Variants in IL15RA observed in about 807,000 individuals in gnomAD.
IL15RA encodes the protein interleukin-15 receptor subunit alpha.
IL15RA carries 26 observed loss-of-function variants against 24.2 expected under a neutral mutation model. That is an observed-to-expected ratio of 1.07 (90% CI 0.79 to 1.49). The LOEUF (loss-of-function observed/expected upper bound fraction) is 1.49. IL15RA is among the 40% of genes most tolerant of loss of function. The pLI, the probability that IL15RA is intolerant of heterozygous loss-of-function variation, is 0.00. For synonymous variants in IL15RA, 166 were observed against 157.6 expected (o/e 1.05, Z -0.40); for missense variants, 354 against 356.4 (o/e 0.99, Z 0.05).
chr10:5,952,427 TC>T lies in IL15RA; in HGVS notation c.*667del, dbSNP rs1441046001. ...TATTTTGTTTATACAAGGTACAATG[TC>T]AAAATACAAATAATATATAATGTAT... On this transcript the variant is annotated 3_prime_UTR_variant, in exon 7 of 7. Coordinates refer to ENST00000379977, the MANE Select transcript of IL15RA (RefSeq NM_002189.4). The T allele has an allele frequency of 2.6e-5, 4 of 152,720 alleles. No homozygotes were observed. The highest frequency in any genetic ancestry group is 7.2e-5 in the African/African-American group (3 of 41,450). 9.5% of individuals were successfully genotyped at this position (152,720 alleles called of 1,614,324 possible).
rs747770329 is a variant in IL15RA at position 5,960,529 on chromosome 10, C to T, written c.421G>A (p.Ala141Thr). The change falls in exon 4 of 7, where the codon GCC (alanine) becomes ACC (threonine). Residue 141 changes from alanine (A) to threonine (T), a missense_variant. Coordinates refer to ENST00000379977, the MANE Select transcript of IL15RA (RefSeq NM_002189.4). This position sits in a 1 kb window ranked among gnomAD's most constrained non-coding sequence, Gnocchi z 5.1. ...CCCGGGACAATAGCTGCTGTTGTGG[C>T]CGCTGTGTTGTTTGAGCTGGGAGAT... Reference protein sequence around the residue: ...ASSPSSNNTAATTAAIVPGSQ... With the variant: ...ASSPSSNNTATTTAAIVPGSQ... The T allele has an allele frequency of 9.9e-6, 16 of 1,614,116 alleles. No homozygotes were observed. In the Middle Eastern group the frequency reaches 6.6e-4, roughly 67 times the overall value.
At chr10:5,969,877 G>A (rs1038883333) in intron 1 of IL15RA, among the ~76,000 whole-genome samples, 3 of 152,172 alleles carry the variant, frequency 2.0e-5, no homozygotes, top group African/African-American at 7.2e-5. Context: ...CAGCGTGCCA[G>A]CCTTGTACAT....
rs767682368 is a variant in IL15RA at position 5,960,546 on chromosome 10, C to G, written c.404G>C (p.Ser135Thr). The G allele has an allele frequency of 7.4e-6, 12 of 1,613,922 alleles. No individual in the cohort carries two copies. The highest frequency in any genetic ancestry group is 1.7e-4 in the Middle Eastern group (1 of 6,050). ...TGTTGTGGCCGCTGTGTTGTTTGAG[C>G]TGGGAGATGAAGCTGCGGGCTCTGT... ...SGKEPAASSP[S>T]SNNTAATTAA... The change falls in exon 4 of 7, where the codon AGC becomes ACC. Residue 135 changes from serine to threonine, a missense_variant. By Grantham distance (58) the Ser-to-Thr change is moderately conservative. Coordinates refer to ENST00000379977, the MANE Select transcript of IL15RA (RefSeq NM_002189.4). This position sits in a 1 kb window ranked among gnomAD's most constrained non-coding sequence, Gnocchi z 5.1.
chr10:5,978,655 G>A (rs1323963138), upstream of IL15RA, among the ~76,000 whole-genome samples: 1 of 152,126 alleles, frequency 6.6e-6, no homozygotes, highest in African/African-American at 2.4e-5. This position sits in a 1 kb window ranked among gnomAD's most constrained non-coding sequence, Gnocchi z 5.2. Context: ...AAGCACTTTC[G>A]GAGGCCAAGG....
chr10:5,962,271 A>C lies in IL15RA; in HGVS notation c.382+1472T>G, dbSNP rs970051929. ...TTTAGCTGCTTCTTCCTCCCTTAAGATGCAGGCCTCAGCCTTGGCCACTTA... is the reference window on the plus strand; with the variant it reads ...TTTAGCTGCTTCTTCCTCCCTTAAGCTGCAGGCCTCAGCCTTGGCCACTTA... On this transcript the variant is annotated intron_variant, in intron 3 of 6. Coordinates refer to ENST00000379977, the MANE Select transcript of IL15RA (RefSeq NM_002189.4). The surrounding 1 kb of genome is among the most constrained non-coding windows in gnomAD (Gnocchi z 5.2). Among the ~76,000 whole-genome samples the C allele has an allele frequency of 6.6e-6, 1 of 152,106 alleles. No individual in the cohort carries two copies. Among genetic ancestry groups the C allele is most frequent in the African/African-American group, 2.4e-5 (1 of 41,406 alleles).
chr10:5,951,014 A>T (rs901589037), downstream of IL15RA, among the ~76,000 whole-genome samples: 3 of 151,726 alleles, frequency 2.0e-5, no homozygotes, highest in African/African-American at 7.3e-5. Context: ...GGTGGTGGGC[A>T]CCTGTAGTCC....
downstream of IL15RA, chr10:5,949,029 TTTC>T (rs1489632585): frequency 3.0e-6 from 1 of 337,674 alleles, no homozygotes; most frequent in Admixed American, 3.8e-5. The surrounding 1 kb of genome is among the most constrained non-coding windows in gnomAD (Gnocchi z 4.4). Context: ...TGAGATGAGT[TTTC>T]TTCTTCCTGA....
Position 5,970,568 on chromosome 10 carries a change from T to C in IL15RA, c.89-4229A>G, listed in dbSNP as rs1433499828. ...CCAAGATAAATCTGTGAATAGTTAA[T>C]GTTTGAATGTACAAGGATATCAATG... On this transcript the variant is annotated intron_variant, in intron 1 of 6. Coordinates refer to ENST00000379977, the MANE Select transcript of IL15RA (RefSeq NM_002189.4). The surrounding 1 kb of genome is among the most constrained non-coding windows in gnomAD (Gnocchi z 4.1). 6.6e-6 allele frequency among the ~76,000 whole-genome samples: 1 copy of C among 152,140 alleles called. No homozygotes were observed. Among genetic ancestry groups the C allele is most frequent in the African/African-American group, 2.4e-5 (1 of 41,418 alleles).
In IL15RA at chr10:5,952,661, G is replaced by A. The variant is rs1031722971; in HGVS notation, c.*434C>T. On this transcript the variant is annotated 3_prime_UTR_variant, in exon 7 of 7. Coordinates refer to ENST00000379977, the MANE Select transcript of IL15RA (RefSeq NM_002189.4). ...AAACGCTGGTGTCTTCCCTGTAGAC[G>A]TCTCCCACGCCAGGAGAAGCCTTGT... 8 of 191,578 alleles carry A rather than the reference G, an allele frequency of 4.2e-5. No homozygotes were observed. The Admixed American group carries it at 4.3e-4, about 10-fold the overall frequency. 11.9% of individuals were successfully genotyped at this position (191,578 alleles called of 1,614,324 possible).
chr10:5,969,353 TTTAAATTAAATTAAA>T (rs35071460), intron 1 of IL15RA, among the ~76,000 whole-genome samples: 5,593 of 147,642 alleles, frequency 0.038, 116 homozygotes, highest in Middle Eastern at 0.058. Context: ...AATTAAATTT[TTTAAATTAAATTAAA>T]TTAAATTAAA....
At position 5,952,927 on chromosome 10, in the gene IL15RA, C is replaced by T. The variant is rs951201515; in HGVS notation, c.*168G>A. ...TGGGAATGCGGAGAACCTGCTCCCT[C>T]GCGCAGGAGGCGCCGACCCGGCAGT... On this transcript the variant is annotated 3_prime_UTR_variant, in exon 7 of 7. Coordinates refer to ENST00000379977, the MANE Select transcript of IL15RA (RefSeq NM_002189.4). 1.6e-6 allele frequency: 1 copy of T among 626,044 alleles called. No homozygotes were observed. The highest frequency in any genetic ancestry group is 2.0e-5 in the South Asian group (1 of 50,636). 38.8% of individuals were successfully genotyped at this position (626,044 alleles called of 1,614,324 possible). A position where few individuals can be genotyped will look rare whatever the true frequency, so the allele number is the denominator to read the frequency against.
chr10:5,968,915 C>T lies in IL15RA; in HGVS notation c.89-2576G>A, dbSNP rs868565376. The T allele has an allele frequency of 5.3e-6, 8 of 1,516,080 alleles. No homozygotes were observed. The East Asian group carries it at 1.5e-4, about 28-fold the overall frequency. The allele number at this position is 1,516,080 out of a possible 1,614,324, so 93.9% of individuals were successfully genotyped here. A position where few individuals can be genotyped will look rare whatever the true frequency, so the allele number is the denominator to read the frequency against. On this transcript the variant is annotated intron_variant, in intron 1 of 6. Transcript: ENST00000379977. This position sits in a 1 kb window ranked among gnomAD's most constrained non-coding sequence, Gnocchi z 5.4. Reference sequence around the variant, plus strand: ...TGCTCCTTCCCGCCAGGACAGCCAGCCTGTCTCTTGCATCTGTAACAGGTT... The same window carrying T: ...TGCTCCTTCCCGCCAGGACAGCCAGTCTGTCTCTTGCATCTGTAACAGGTT...
rs1977263 is a variant in IL15RA at position 5,975,713 on chromosome 10, A to G, written c.88+1692T>C. The stretch of plus-strand genomic sequence containing the variant: ...ATGTTGGATCAGCCTGACCAACATG[A>G]TGAAACCCCGTCTCTATTAAAAACA... On this transcript the variant is annotated intron_variant, in intron 1 of 6. Transcript: ENST00000379977. The surrounding 1 kb of genome is among the most constrained non-coding windows in gnomAD (Gnocchi z 4.8). 0.97 allele frequency among the ~76,000 whole-genome samples: 147,113 copies of G among 152,080 alleles called. 71,162 individuals carry two copies. Among genetic ancestry groups the G allele is most frequent in the Middle Eastern group, 0.98 (288 of 294 alleles).
chr10:5,974,156 C>T (rs1346051931), intron 1 of IL15RA, among the ~76,000 whole-genome samples: 1 of 152,174 alleles, frequency 6.6e-6, no homozygotes, highest in Non-Finnish European at 1.5e-5. Context: ...TGGGCTACCA[C>T]AGCTGGCTAA....
chr10:5,978,493 T>C (rs939936128), upstream of IL15RA, among the ~76,000 whole-genome samples: 3 of 152,226 alleles, frequency 2.0e-5, no homozygotes, highest in African/African-American at 4.8e-5. This position sits in a 1 kb window ranked among gnomAD's most constrained non-coding sequence, Gnocchi z 5.2. Context: ...TTTTGTGACA[T>C]ACTTGCAAAT....
intron 1 of IL15RA, chr10:5,977,186 G>C (rs921623637): frequency 1.8e-4 from 63 of 347,980 alleles, no homozygotes; most frequent in Non-Finnish European, 1.9e-4. Flanking sequence ...GGTGACCCGG[G>C]CGCAGCGGCG....
At chr10:5,949,306 A>AGAAC (rs1370833325), downstream of IL15RA, 2 of 471,134 alleles carry the variant, frequency 4.2e-6, no homozygotes, top group East Asian at 1.4e-4. The surrounding 1 kb of genome is among the most constrained non-coding windows in gnomAD (Gnocchi z 4.4). Flanking sequence ...TGAATAGCTA[A>AGAAC]GAACAGCACC....
intron 1 of IL15RA, among the ~76,000 whole-genome samples, chr10:5,976,786 C>G (rs958827432): frequency 4.6e-5 from 7 of 152,082 alleles, no homozygotes; most frequent in South Asian, 2.1e-4. Flanking sequence ...CAGGCTGGCC[C>G]CCACTCCCCA....
rs144516247 is a variant in IL15RA, at chr10:5,955,819, G to T, written c.692+560C>A. Among the ~76,000 whole-genome samples the T allele has an allele frequency of 1.3e-5, 2 of 152,260 alleles. No individual in the cohort carries two copies. Among genetic ancestry groups the T allele is most frequent in the African/African-American group, 4.8e-5 (2 of 41,542 alleles). On this transcript the variant is annotated intron_variant, in intron 6 of 6. Transcript: ENST00000379977. This position sits in a 1 kb window ranked among gnomAD's most constrained non-coding sequence, Gnocchi z 5.3. ...AGAATGGGTAGGACTGCACGCGTTG[G>T]CCACCTGGTGCACTTTCTCTGGCCG... is the stretch of plus-strand genomic sequence containing the variant.
Sources: allele counts gnomAD v4.1 joint callset (sites outside exome capture counted in the v4.1 genomes callset), GRCh38; gene constraint gnomAD v4.1.1; non-coding constraint Gnocchi (gnomAD v3.1); transcripts MANE v1.5; gene names NCBI Gene and HGNC (gene_info 2026-07-23, HGNC 2026-07-21).